Variants in RSF1 observed in about 807,000 individuals in gnomAD.
The protein encoded by RSF1 is HBV pX-associated protein 8.
Under a neutral mutation model 145.2 loss-of-function variants are expected in RSF1, and 13 were observed. The ratio of observed to expected loss-of-function variants is 0.09; its 90% CI spans 0.06 to 0.14. The LOEUF is 0.14. Ranked by LOEUF, RSF1 falls within the 10% of genes least tolerant of loss-of-function variation. RSF1 has a pLI of 1.00. For synonymous variants in RSF1, 577 were observed against 592.6 expected, an observed-to-expected ratio of 0.97 and a Z score of 0.38; for missense variants, 1,517 against 1,718.2, an observed-to-expected ratio of 0.88 and a Z score of 2.07.
chr11:77,678,002 A>G lies in RSF1; in HGVS notation c.3133+84T>C. ...ATACATAACGGGAAAGAGAATAAAA[A>G]CATATGCTCACTGCCCTAATTTGGG... On this transcript the variant is annotated intron_variant, in intron 12 of 15. Coordinates refer to ENST00000308488, the MANE Select transcript of RSF1 (RefSeq NM_016578.4). 3 of 871,374 alleles carry G rather than the reference A, an allele frequency of 3.4e-6. No homozygotes were observed. The East Asian group carries it at 7.3e-5, about 21-fold the overall frequency. The allele number at this position is 871,374 out of a possible 1,614,324, so 54.0% of individuals were successfully genotyped here.
intron 9 of RSF1, among the ~76,000 whole-genome samples, chr11:77,690,161 C>CA (rs112481534): frequency 0.16 from 14,001 of 87,514 alleles, 1,253 homozygotes; most frequent in Non-Finnish European, 0.25. Context: ...GACTCCATCT[C>CA]AAAAAAAAAA....
the RSF1 span, among the ~76,000 whole-genome samples, chr11:77,867,476 T>G: frequency 6.6e-6 from 1 of 152,206 alleles, no homozygotes; most frequent in African/African-American, 2.4e-5. Context: ...CTTACCTGAA[T>G]GAAACTCCAT....
chr11:77,861,194 C>T, the RSF1 span, among the ~76,000 whole-genome samples: 1 of 152,132 alleles, frequency 6.6e-6, no homozygotes, highest in Non-Finnish European at 1.5e-5. Context: ...GTTCTTTCTC[C>T]TATGTTCAGG....
chr11:77,760,965 G>C (rs1468218639), intron 2 of RSF1, among the ~76,000 whole-genome samples: 1 of 151,828 alleles, frequency 6.6e-6, no homozygotes, highest in Admixed American at 6.6e-5. Flanking sequence ...AGGGTGGAGT[G>C]CAGTGGTGCA....
At position 77,701,643 on chromosome 11, in the gene RSF1, A is replaced by G; in HGVS notation, c.1586T>C (p.Ile529Thr). Residue 529 changes from isoleucine (I) to threonine (T), a missense_variant, in exon 6 of 16, where the codon ATA becomes ACA. Coordinates refer to ENST00000308488, the MANE Select transcript of RSF1 (RefSeq NM_016578.4). ...CATTTCTGGAGGATCGGGTTCCTCTATTTGTGCTTTTTGACTATGGATCTC... is the reference window on the plus strand; with the variant it reads ...CATTTCTGGAGGATCGGGTTCCTCTGTTTGTGCTTTTTGACTATGGATCTC... ...VLEIHSQKAQ[I>T]EEPDPPEMET... 6.2e-7 allele frequency: 1 copy of G among 1,614,060 alleles called. No homozygotes were observed. Among genetic ancestry groups the G allele is most frequent in the Non-Finnish European group, 8.5e-7 (1 of 1,179,994 alleles).
intron 12 of RSF1, 81 bp downstream of exon 12, chr11:77,678,003 CAT>C (rs759907790): frequency 2.6e-5 from 23 of 881,316 alleles, no homozygotes; most frequent in Non-Finnish European, 4.2e-5. Flanking sequence ...AGAATAAAAA[CAT>C]ATGCTCACTG....
At chr11:77,716,837 T>C (rs1188453251) in intron 5 of RSF1, among the ~76,000 whole-genome samples, 2 of 152,184 alleles carry the variant, frequency 1.3e-5, no homozygotes, top group Admixed American at 1.3e-4. Context: ...GGAATTAGTT[T>C]TAGACATTTC....
At chr11:77,805,100 T>C (rs1263395720) in intron 1 of RSF1, among the ~76,000 whole-genome samples, 1 of 152,202 alleles carries the variant, frequency 6.6e-6, no homozygotes, top group Non-Finnish European at 1.5e-5. Context: ...GGATGTCCAA[T>C]AAGTATCAAA....
intron 7 of RSF1, among the ~76,000 whole-genome samples, chr11:77,697,721 G>A (rs927195649): frequency 2.0e-5 from 3 of 150,748 alleles, no homozygotes; most frequent in East Asian, 1.9e-4. Flanking sequence ...AATTGTAGTC[G>A]GTATATAGCA....
At chr11:77,759,196 G>A (rs1343168044) in intron 2 of RSF1, among the ~76,000 whole-genome samples, 1 of 152,020 alleles carries the variant, frequency 6.6e-6, no homozygotes, top group Non-Finnish European at 1.5e-5. Flanking sequence ...TATACTATAG[G>A]CAACAGTCAA....
chr11:77,861,846 A>G, the RSF1 span, among the ~76,000 whole-genome samples: 6 of 152,060 alleles, frequency 3.9e-5, no homozygotes, highest in Non-Finnish European at 8.8e-5. Flanking sequence ...TCTATTACAA[A>G]AAACCAAGGT....
rs758201264 is a variant in RSF1 at position 77,702,541 on chromosome 11, G to A, written c.734-46C>T. 43 of 1,307,338 alleles carry A rather than the reference G, an allele frequency of 3.3e-5. No individual in the cohort carries two copies. In the Middle Eastern group the frequency reaches 1.2e-3, roughly 35 times the overall value. 81.0% of individuals were successfully genotyped at this position (1,307,338 alleles called of 1,614,324 possible). A position where few individuals can be genotyped will look rare whatever the true frequency, so the allele number is the denominator to read the frequency against. On this transcript the variant is annotated intron_variant, in intron 5 of 15. Transcript: ENST00000308488. The stretch of plus-strand genomic sequence containing the variant: ...AATTACATGAATAGAAACTTTCAAG[G>A]CTATAAAATATAAGACTTAGTATAA...
At chr11:77,739,126 A>C (rs1454114643) in intron 4 of RSF1, 5 of 152,264 alleles carry the variant, frequency 3.3e-5, no homozygotes, top group Non-Finnish European at 7.3e-5. Flanking sequence ...TTTTTAGTAG[A>C]GATGGGGTTT....
At chr11:77,825,888 C>T in the RSF1 span, among the ~76,000 whole-genome samples, 1 of 152,042 alleles carries the variant, frequency 6.6e-6, no homozygotes, top group Admixed American at 6.5e-5. Context: ...GATGGGGTTT[C>T]ACTACGTTGG....
At chr11:77,801,475 A>G (rs1849121221) in intron 1 of RSF1, among the ~76,000 whole-genome samples, 1 of 152,196 alleles carries the variant, frequency 6.6e-6, no homozygotes, top group Non-Finnish European at 1.5e-5. Flanking sequence ...ACAGTTCCTG[A>G]CACAGAGCTC....
chr11:77,692,372 G>T (rs1415108715), intron 8 of RSF1, among the ~76,000 whole-genome samples: 1 of 116,918 alleles, frequency 8.6e-6, no homozygotes, highest in Non-Finnish European at 1.7e-5. Flanking sequence ...AGCCTCCCAA[G>T]TAGCTGGGAC....
At chr11:77,866,140 G>T in the RSF1 span, among the ~76,000 whole-genome samples, 1 of 152,202 alleles carries the variant, frequency 6.6e-6, no homozygotes, top group South Asian at 2.1e-4. Context: ...TGGAAGAGTA[G>T]TTTAGGAATG....
Position 77,740,950 on chromosome 11 carries a change from A to C in RSF1, c.373-14T>G. On this transcript the variant is annotated splice_polypyrimidine_tract_variant and intron_variant, in intron 3 of 15. Transcript: ENST00000308488. ...CTCACAGAGGTACTGAAAAATAGTC[A>C]TAACATGACTTAAAATACCTCACAA... The C allele has an allele frequency of 6.3e-7, 1 of 1,580,388 alleles. No homozygotes were observed. The highest frequency in any genetic ancestry group is 8.7e-7 in the Non-Finnish European group (1 of 1,150,468).
At chr11:77,806,670 G>C (rs1948680619) in intron 1 of RSF1, among the ~76,000 whole-genome samples, 1 of 151,736 alleles carries the variant, frequency 6.6e-6, no homozygotes, top group African/African-American at 2.4e-5. Flanking sequence ...AATAGAGCAA[G>C]ACCCTCTCTC....
Sources: allele counts gnomAD v4.1 joint callset (sites outside exome capture counted in the v4.1 genomes callset), GRCh38; gene constraint gnomAD v4.1.1; transcripts MANE v1.5; gene names NCBI Gene and HGNC (gene_info 2026-07-23, HGNC 2026-07-21).